Variants in SPINK5 observed in about 807,000 individuals in gnomAD.
SPINK5 encodes the protein serine protease inhibitor Kazal-type 5.
Under a neutral mutation model 151.8 loss-of-function variants are expected in SPINK5, and 125 were observed. The observed-to-expected ratio is 0.82, with a 90% CI of 0.71 to 0.96. SPINK5 has a LOEUF of 0.96. Among genes scored for constraint, SPINK5 ranks in the 40% least tolerant of loss-of-function variants. The probability of loss-of-function intolerance (pLI) is 0.00; values close to 1 mark genes in which losing one functional copy is unlikely to be tolerated. For missense variants in SPINK5, 1,194 were observed against 1,291.9 expected (o/e 0.92, Z 1.16); for synonymous variants, 374 against 395.3 (o/e 0.95, Z 0.64).
intron 31 of SPINK5, 72 bp downstream of exon 31, chr5:148,131,461 T>G (rs1258536305): frequency 1.9e-6 from 3 of 1,596,744 alleles, no homozygotes; most frequent in Non-Finnish European, 2.6e-6. Flanking sequence ...CCCATAGTAA[T>G]GCACTGATAT....
At chr5:148,065,637 A>T (rs901215655) in intron 2 of SPINK5, among the ~76,000 whole-genome samples, 3 of 152,160 alleles carry the variant, frequency 2.0e-5, no homozygotes, top group African/African-American at 7.2e-5. Context: ...AGCATTTTAA[A>T]ATTTCATAAA....
intron 26 of SPINK5, among the ~76,000 whole-genome samples, chr5:148,121,904 G>A (rs1754276356): frequency 6.6e-6 from 1 of 151,724 alleles, no homozygotes; most frequent in South Asian, 2.1e-4. Flanking sequence ...TGAATTCAAG[G>A]CAGCAGTGAG....
At chr5:148,136,855 A>G (rs1754705989) in intron 32 of SPINK5, 128 bp from the exon 33 acceptor site, 1 of 1,227,484 alleles carries the variant, frequency 8.1e-7, no homozygotes, top group African/African-American at 1.5e-5. Context: ...GTGATTTTAA[A>G]TTGCTACTTC....
At chr5:148,124,736 C>A (rs1248629698) in intron 27 of SPINK5, 29 bp from the exon 28 acceptor site, 4 of 1,473,632 alleles carry the variant, frequency 2.7e-6, no homozygotes, top group African/African-American at 1.5e-5. Flanking sequence ...TGAAAAATTA[C>A]CCTATCTTTT....
rs1035143235 is a variant in SPINK5, at chr5:148,097,771, C to A, written c.883-96C>A. 13 of 1,330,472 alleles carry A rather than the reference C, an allele frequency of 9.8e-6. No homozygotes were observed. The Admixed American group carries it at 3.0e-4, about 31-fold the overall frequency. The allele number at this position is 1,330,472 out of a possible 1,614,324, so 82.4% of individuals were successfully genotyped here. On this transcript the variant is annotated intron_variant, in intron 10 of 32. Coordinates refer to ENST00000256084, the MANE Select transcript of SPINK5 (RefSeq NM_006846.4). ...CCTAAATCTTAAAAGTTTTATTTTT[C>A]ATCCTTAATTTCTCTTTTTTCTTTG...
chr5:148,074,274 C>T (rs1752824439), intron 4 of SPINK5, among the ~76,000 whole-genome samples: 1 of 151,804 alleles, frequency 6.6e-6, no homozygotes, highest in Non-Finnish European at 1.5e-5. Context: ...CCTTTCATTT[C>T]CCGACTCTAG....
intron 30 of SPINK5, among the ~76,000 whole-genome samples, chr5:148,127,897 T>C (rs997829854): frequency 6.6e-6 from 1 of 152,058 alleles, no homozygotes; most frequent in African/African-American, 2.4e-5. Flanking sequence ...TCACCAGTAA[T>C]GTAAGTATTA....
intron 4 of SPINK5, 52 bp downstream of exon 4, chr5:148,072,272 A>C: frequency 6.4e-7 from 1 of 1,558,770 alleles, no homozygotes. Flanking sequence ...GTTTGACTCT[A>C]TTTAGAGCTA....
chr5:148,072,123 T>A, intron 3 of SPINK5, 25 bp from the exon 4 acceptor site: 2 of 1,606,862 alleles, frequency 1.2e-6, no homozygotes, highest in Non-Finnish European at 1.7e-6. Context: ...ATGTTTAAAC[T>A]ATGCTATTTC....
chr5:148,124,119 T>C (rs1322825916), intron 27 of SPINK5, among the ~76,000 whole-genome samples, 159 bp downstream of exon 27: 1 of 152,142 alleles, frequency 6.6e-6, no homozygotes, highest in Non-Finnish European at 1.5e-5. Context: ...TTCACAATAA[T>C]TTTTTTATTT....
At chr5:148,129,368 A>G (rs970850848) in intron 30 of SPINK5, among the ~76,000 whole-genome samples, 1 of 152,206 alleles carries the variant, frequency 6.6e-6, no homozygotes, top group Non-Finnish European at 1.5e-5. Context: ...ACAGCTAGTT[A>G]GCTATTGCAG....
rs1307672024 is a variant in SPINK5 at position 148,070,367 on chromosome 5, G to A, written c.126G>A (p.Leu42=). 2 of 1,612,708 alleles carry A rather than the reference G, an allele frequency of 1.2e-6. No homozygotes were observed. Among genetic ancestry groups the A allele is most frequent in the Non-Finnish European group, 1.7e-6 (2 of 1,179,232 alleles). Residue 42 remains leucine (L), a synonymous_variant, in exon 3 of 33, where the codon CTG becomes CTA. Coordinates refer to ENST00000256084, the MANE Select transcript of SPINK5 (RefSeq NM_006846.4). ...AGGCATTTATGAAAAATGGAAAACT[G>A]TTCTGTCCCCAGGATAAGAAATTTT... The part of the protein sequence containing the change: ...EFQAFMKNGK[L]FCPQDKKFFQ...
rs544041920 is a variant in SPINK5 at position 148,075,423 on chromosome 5, T to C, written c.282+3203T>C. Among the ~76,000 whole-genome samples, 246 of 151,520 alleles carry C rather than the reference T, an allele frequency of 1.6e-3. 2 individuals carry two copies. Among genetic ancestry groups the C allele is most frequent in the African/African-American group, 5.7e-3 (237 of 41,482 alleles). On this transcript the variant is annotated intron_variant, in intron 4 of 32. Coordinates refer to ENST00000256084, the MANE Select transcript of SPINK5 (RefSeq NM_006846.4). ...TCTTAGAGTAAATCATACTTTATAA[T>C]ATATTTTAAATAAATTTATGAATTT...
At chr5:148,110,023 A>G (rs575340084) in intron 18 of SPINK5, among the ~76,000 whole-genome samples, 4 of 152,312 alleles carry the variant, frequency 2.6e-5, no homozygotes, top group Admixed American at 2.6e-4. Flanking sequence ...GTGGTCACAA[A>G]AACAATGTGG....
rs749921895 is a variant in SPINK5 at position 148,133,831 on chromosome 5, G to A, written c.3130G>A (p.Gly1044Arg). 17 of 1,614,048 alleles carry A rather than the reference G, an allele frequency of 1.1e-5. 1 individual carries two copies. In the South Asian group the frequency reaches 1.8e-4, roughly 17 times the overall value. ...RQTNTHIRST[G>R]KCEESSTPGT... ...AACAAATACACACATCCGCAGTACA[G>A]GGAAGTGTGAGGAGAGCAGCACCCC... The change falls in exon 32 of 33, where the codon GGG becomes AGG. Residue 1044 changes from glycine (G) to arginine (R), a missense_variant. By Grantham distance (125) the Gly-to-Arg change is moderately radical. Transcript: ENST00000256084.
chr5:148,108,713 G>A (rs1753842199), intron 17 of SPINK5, 40 bp from the exon 18 acceptor site: 1 of 1,601,490 alleles, frequency 6.2e-7, no homozygotes, highest in Admixed American at 1.7e-5. Context: ...AAAAAGAGTA[G>A]GGAATCATAT....
At position 148,118,436 on chromosome 5, in the gene SPINK5, G is replaced by A; in HGVS notation, c.2113-1G>A. ...GGCTCTTCGTTCTTCTCTGTTTTCAGGACGAATGTGCTGAGTATCGGGAAC... is the reference window on the plus strand; with the variant it reads ...GGCTCTTCGTTCTTCTCTGTTTTCAAGACGAATGTGCTGAGTATCGGGAAC... On this transcript the variant is annotated splice_acceptor_variant, in intron 22 of 32. Coordinates refer to ENST00000256084, the MANE Select transcript of SPINK5 (RefSeq NM_006846.4). LOFTEE classifies it high-confidence loss of function. 6.2e-7 allele frequency: 1 copy of A among 1,614,078 alleles called. No homozygotes were observed. Among genetic ancestry groups the A allele is most frequent in the Non-Finnish European group, 8.5e-7 (1 of 1,179,982 alleles).
At chr5:148,076,755 G>A (rs1383399217) in intron 4 of SPINK5, among the ~76,000 whole-genome samples, 2 of 151,630 alleles carry the variant, frequency 1.3e-5, no homozygotes, top group Non-Finnish European at 3.0e-5. Flanking sequence ...AACTTTCAAT[G>A]AAAAGACAGA....
chr5:148,096,219 G>A (rs185230399), intron 10 of SPINK5, among the ~76,000 whole-genome samples: 27 of 152,042 alleles, frequency 1.8e-4, no homozygotes, highest in African/African-American at 6.3e-4. Flanking sequence ...AGTCTTCGAT[G>A]TGTGGTAGCT....
Sources: gnomAD v4.1 joint callset for allele counts (sites outside exome capture counted in the v4.1 genomes callset) on GRCh38, gnomAD v4.1.1 for gene constraint, MANE v1.5 for transcripts, NCBI Gene and HGNC (gene_info 2026-07-23, HGNC 2026-07-21) for gene names.